Variants in SULT1C4 observed in about 807,000 individuals in gnomAD.
SULT1C4 encodes the protein sulfotransferase family 1C member 4, also known as sulfotransferase 1C4.
A neutral mutation model predicts 34.8 loss-of-function variants in SULT1C4; 32 were observed. That is an observed-to-expected ratio of 0.92 (90% CI 0.69 to 1.23). The LOEUF (loss-of-function observed/expected upper bound fraction) is 1.23, where lower values mean the gene tolerates loss of function less well. Ranked by LOEUF, SULT1C4 falls within the 50% of genes most tolerant of loss-of-function variation. The pLI is 0.00. For synonymous variants in SULT1C4, 111 were observed against 120.5 expected, an observed-to-expected ratio of 0.92 and a Z score of 0.51; for missense variants, 375 against 365.9, an observed-to-expected ratio of 1.02 and a Z score of -0.20.
intron 1 of SULT1C4, among the ~76,000 whole-genome samples, chr2:108,381,120 G>A (rs1455801466): frequency 1.3e-5 from 2 of 152,168 alleles, no homozygotes; most frequent in African/African-American, 4.8e-5. Flanking sequence ...CTCTATAGCA[G>A]ATCACAATTT....
rs1345574123 is a variant in SULT1C4, at chr2:108,381,766, A to C, written c.174A>C (p.Thr58=). ...TTCATTTTACGTGCACGTAAGGAAC[A>C]ACATGGACTCAGGAGATAGTGGAAT... ...LLISTYPKAG[T]TWTQEIVELI... The change falls in exon 2 of 7, where the codon ACA becomes ACC. Residue 58 remains threonine, a synonymous_variant. Transcript: ENST00000272452. 1.4e-6 allele frequency: 2 copies of C among 1,409,356 alleles called. No individual in the cohort carries two copies. Among genetic ancestry groups the C allele is most frequent in the Admixed American group, 2.8e-5 (1 of 36,236 alleles). The allele number at this position is 1,409,356 out of a possible 1,614,324, so 87.3% of individuals were successfully genotyped here. A position where few individuals can be genotyped will look rare whatever the true frequency, so the allele number is the denominator to read the frequency against.
At chr2:108,382,781 T>C in intron 3 of SULT1C4, 1 of 376,820 alleles carries the variant, frequency 2.7e-6, no homozygotes, top group Non-Finnish European at 4.7e-6. Context: ...CACATGCCTG[T>C]AATCCAAGCT....
In SULT1C4 at chr2:108,386,391, C is replaced by T. The variant is rs2104349138; in HGVS notation, c.796+19C>T. 1 of 1,401,110 alleles carries T rather than the reference C, an allele frequency of 7.1e-7. No homozygotes were observed. Among genetic ancestry groups the T allele is most frequent in the Non-Finnish European group, 9.4e-7 (1 of 1,066,286 alleles). 86.8% of individuals were successfully genotyped at this position (1,401,110 alleles called of 1,614,324 possible). On this transcript the variant is annotated intron_variant, in intron 6 of 6. Transcript: ENST00000272452. ...AGAAAAGGTTTTTATAGTTTATTTT[C>T]ATTATAATCTTAAAAGAACTGTCAA...
chr2:108,379,552 A>G (rs1341857757), intron 1 of SULT1C4, among the ~76,000 whole-genome samples: 2 of 152,200 alleles, frequency 1.3e-5, no homozygotes, highest in Admixed American at 6.5e-5. Flanking sequence ...TCTTTTCTCT[A>G]TCTGCCAAAC....
rs1306806752 is a variant in SULT1C4, at chr2:108,381,903, C to T, written c.295+16C>T. 3.4e-6 allele frequency: 5 copies of T among 1,473,518 alleles called. No individual in the cohort carries two copies. The highest frequency in any genetic ancestry group is 5.2e-5 in the East Asian group (2 of 38,724). 91.3% of individuals were successfully genotyped at this position (1,473,518 alleles called of 1,614,324 possible). On this transcript the variant is annotated intron_variant, in intron 2 of 6. Coordinates refer to ENST00000272452, the MANE Select transcript of SULT1C4 (RefSeq NM_006588.4). ...TTAGGATCTGGTGAGTATAAATAGC[C>T]ACACTTCACTACAGTCCTAAAATGC...
At chr2:108,379,638 G>C (rs1208648849) in intron 1 of SULT1C4, among the ~76,000 whole-genome samples, 1 of 152,054 alleles carries the variant, frequency 6.6e-6, no homozygotes, top group Non-Finnish European at 1.5e-5. Context: ...AGCACACTAA[G>C]AAAATTAAAT....
chr2:108,381,260 AT>A, intron 1 of SULT1C4, among the ~76,000 whole-genome samples: 1 of 152,176 alleles, frequency 6.6e-6, no homozygotes, highest in Non-Finnish European at 1.5e-5. Context: ...AAATTGGAGT[AT>A]TTTTTTAAAA....
At chr2:108,379,579 G>C (rs1678333909) in intron 1 of SULT1C4, among the ~76,000 whole-genome samples, 1 of 152,064 alleles carries the variant, frequency 6.6e-6, no homozygotes. Flanking sequence ...ACAAAGATAT[G>C]GTTCATTTAG....
At chr2:108,383,027 C>CAA (rs375960129) in intron 3 of SULT1C4, 66 bp from the exon 4 acceptor site, 4,085 of 1,285,814 alleles carry the variant, frequency 3.2e-3, no homozygotes, top group South Asian at 3.7e-3. Flanking sequence ...GCAGTAACAG[C>CAA]AAAAAAAAAA....
At position 108,381,765 on chromosome 2, in the gene SULT1C4, C is replaced by CA. The variant is rs767142087; in HGVS notation, c.175dup (p.Thr59AsnfsTer13). The CA allele has an allele frequency of 7.1e-7, 1 of 1,400,884 alleles. No individual in the cohort carries two copies. Among genetic ancestry groups the CA allele is most frequent in the Non-Finnish European group, 9.3e-7 (1 of 1,072,442 alleles). 86.8% of individuals were successfully genotyped at this position (1,400,884 alleles called of 1,614,324 possible). On this transcript the variant is annotated frameshift_variant, in exon 2 of 7. Transcript: ENST00000272452. LOFTEE classifies it high-confidence loss of function. ...CTTCATTTTACGTGCACGTAAGGAACAACATGGACTCAGGAGATAGTGGAA... is the reference window on the plus strand; with the variant it reads ...CTTCATTTTACGTGCACGTAAGGAACAAACATGGACTCAGGAGATAGTGGAA...
chr2:108,385,834 G>A (rs1243872706), intron 5 of SULT1C4, among the ~76,000 whole-genome samples: 1 of 152,136 alleles, frequency 6.6e-6, no homozygotes, highest in Admixed American at 6.5e-5. Context: ...TCTGTGTCAG[G>A]TCTTAAATCT....
At chr2:108,386,908 G>A (rs552441203) in intron 6 of SULT1C4, among the ~76,000 whole-genome samples, 2 of 152,220 alleles carry the variant, frequency 1.3e-5, no homozygotes, top group Admixed American at 1.3e-4. Flanking sequence ...GAATTTGTGG[G>A]GGGAGGTCTT....
In SULT1C4 at chr2:108,388,247, T is replaced by C. The variant is rs1678621048; in HGVS notation, c.*815T>C. On this transcript the variant is annotated 3_prime_UTR_variant, in exon 7 of 7. Transcript: ENST00000272452. ...AACTTCAGGGTCCTAGTGTAATACA[T>C]CTGTCCCCATCTCTCACTGGCGTAT... Among the ~76,000 whole-genome samples, 1 of 152,178 alleles carries C rather than the reference T, an allele frequency of 6.6e-6. No homozygotes were observed.
At chr2:108,386,142 T>C in intron 5 of SULT1C4, 50 bp from the exon 6 acceptor site, 8 of 1,320,290 alleles carry the variant, frequency 6.1e-6, no homozygotes, top group Non-Finnish European at 7.9e-6. Flanking sequence ...TAATATTCTT[T>C]TTAAACTAAT....
Position 108,386,433 on chromosome 2 carries a change from G to A in SULT1C4, c.796+61G>A, listed in dbSNP as rs557954747. 170 of 1,257,512 alleles carry A rather than the reference G, an allele frequency of 1.4e-4. 1 individual carries two copies. The Middle Eastern group carries it at 2.3e-3, about 17-fold the overall frequency. The allele number at this position is 1,257,512 out of a possible 1,614,324, so 77.9% of individuals were successfully genotyped here. A position where few individuals can be genotyped will look rare whatever the true frequency, so the allele number is the denominator to read the frequency against. Reference sequence around the variant, plus strand: ...AACTGTCAAATATTTTAAAGCATTTGAGGAGTTTTCTTTCCTGTGTCTAGG... The same window carrying A: ...AACTGTCAAATATTTTAAAGCATTTAAGGAGTTTTCTTTCCTGTGTCTAGG... On this transcript the variant is annotated intron_variant, in intron 6 of 6. Transcript: ENST00000272452.
intron 6 of SULT1C4, 115 bp from the exon 7 acceptor site, chr2:108,387,205 C>A: frequency 1.3e-6 from 1 of 751,522 alleles, no homozygotes; most frequent in Non-Finnish European, 2.2e-6. Flanking sequence ...AACGTTTTGT[C>A]CAATACTGCC....
rs943811046 is a variant in SULT1C4 at position 108,388,372 on chromosome 2, A to G, written c.*940A>G. Among the ~76,000 whole-genome samples the G allele has an allele frequency of 1.6e-5, 2 of 121,682 alleles. No homozygotes were observed. Among genetic ancestry groups the G allele is most frequent in the Non-Finnish European group, 3.1e-5 (2 of 63,846 alleles). The allele number at this position is 121,682 out of a possible 152,430, so 79.8% of individuals were successfully genotyped here. A position where few individuals can be genotyped will look rare whatever the true frequency, so the allele number is the denominator to read the frequency against. On this transcript the variant is annotated 3_prime_UTR_variant, in exon 7 of 7. Transcript: ENST00000272452. ...CATTGCCACCACAATCCATTCTAAT[A>G]TGTCAGAAAATCTGTCAGTTTTAAT...
intron 1 of SULT1C4, among the ~76,000 whole-genome samples, chr2:108,380,166 T>G (rs1056503052): frequency 1.7e-4 from 26 of 152,206 alleles, no homozygotes; most frequent in African/African-American, 5.8e-4. Context: ...GGAAAAGGAA[T>G]CTATAGAGTT....
Position 108,388,188 on chromosome 2 carries a change from G to C in SULT1C4, c.*756G>C, listed in dbSNP as rs1678619339. ...TTTTTGGTGGTGAAGTAACCATCAAGTGATTCAGGTTCCTCTTGGAACCCT... is the reference window on the plus strand; with the variant it reads ...TTTTTGGTGGTGAAGTAACCATCAACTGATTCAGGTTCCTCTTGGAACCCT... On this transcript the variant is annotated 3_prime_UTR_variant, in exon 7 of 7. Coordinates refer to ENST00000272452, the MANE Select transcript of SULT1C4 (RefSeq NM_006588.4). 1 of 152,114 alleles carries C rather than the reference G, an allele frequency of 6.6e-6. No individual in the cohort carries two copies. The highest frequency in any genetic ancestry group is 6.5e-5 in the Admixed American group (1 of 15,278). The allele number at this position is 152,114 out of a possible 1,614,324, so 9.4% of individuals were successfully genotyped here. A position where few individuals can be genotyped will look rare whatever the true frequency, so the allele number is the denominator to read the frequency against.
Sources: allele counts gnomAD v4.1 joint callset (sites outside exome capture counted in the v4.1 genomes callset), GRCh38; gene constraint gnomAD v4.1.1; transcripts MANE v1.5; gene names NCBI Gene and HGNC (gene_info 2026-07-23, HGNC 2026-07-21).